M1AP: variants seen among roughly 807,000 people sequenced by gnomAD.
The protein encoded by M1AP is meiosis 1 arrest protein.
M1AP carries 39 observed loss-of-function variants against 51.2 expected under a neutral mutation model. The observed-to-expected ratio is 0.76, with a 90% CI of 0.59 to 1.00. M1AP has a LOEUF of 1.00. M1AP is among the 50% of genes least tolerant of loss of function. The pLI is 0.00. For missense variants in M1AP, 545 were observed against 641.2 expected (o/e 0.85, Z 1.62); for synonymous variants, 251 against 249.2 (o/e 1.01, Z -0.07).
At chr2:74,611,864 A>AAAC (rs1201313308) in intron 3 of M1AP, among the ~76,000 whole-genome samples, 4 of 149,826 alleles carry the variant, frequency 2.7e-5, no homozygotes, top group Non-Finnish European at 1.5e-5. Flanking sequence ...GACAGAAAAA[A>AAAC]AACAACAACA....
chr2:74,592,030 C>G (rs1294365865), intron 4 of M1AP, among the ~76,000 whole-genome samples: 1 of 152,002 alleles, frequency 6.6e-6, no homozygotes, highest in Non-Finnish European at 1.5e-5. Flanking sequence ...TCTCGAACTA[C>G]TGACCTAAGT....
In M1AP at chr2:74,569,335, G is replaced by C. The variant is rs139590138; in HGVS notation, c.1074+6103C>G. On this transcript the variant is annotated intron_variant, in intron 7 of 10. Transcript: ENST00000421985. Reference sequence around the variant, plus strand: ...CTATATTTTATATGTGATGGGACAAGAGTTACTAATGTGTGTGTCATGCAC... The same window carrying C: ...CTATATTTTATATGTGATGGGACAACAGTTACTAATGTGTGTGTCATGCAC... 1.7e-3 allele frequency among the ~76,000 whole-genome samples: 257 copies of C among 150,894 alleles called. 1 individual carries two copies. The highest frequency in any genetic ancestry group is 6.0e-3 in the African/African-American group (247 of 41,112).
chr2:74,643,439 G>A (rs1483225296), intron 1 of M1AP, among the ~76,000 whole-genome samples: 2 of 152,020 alleles, frequency 1.3e-5, no homozygotes, highest in Non-Finnish European at 2.9e-5. Flanking sequence ...TAGTTATATT[G>A]TTTAGAGGTG....
At chr2:74,618,889 G>C (rs925064224) in intron 2 of M1AP, 3 of 521,058 alleles carry the variant, frequency 5.8e-6, no homozygotes, top group African/African-American at 3.9e-5. Flanking sequence ...CAGTCTTACA[G>C]CTCTTGACTG....
At chr2:74,569,686 T>G (rs1678609193) in intron 7 of M1AP, among the ~76,000 whole-genome samples, 1 of 152,206 alleles carries the variant, frequency 6.6e-6, no homozygotes, top group Non-Finnish European at 1.5e-5. Flanking sequence ...TCCCTCACTC[T>G]ACTTCTATTG....
chr2:74,591,508 A>C (rs1680035289), intron 4 of M1AP, among the ~76,000 whole-genome samples: 1 of 152,214 alleles, frequency 6.6e-6, no homozygotes, highest in African/African-American at 2.4e-5. Flanking sequence ...ATATTGTCAT[A>C]GGCACTGTGG....
chr2:74,618,866 A>C, intron 2 of M1AP: 1 of 497,832 alleles, frequency 2.0e-6, no homozygotes, highest in Non-Finnish European at 4.0e-6. Flanking sequence ...GTGGAAATCT[A>C]GCTGTCATTG....
At chr2:74,618,952 G>T in intron 2 of M1AP, 1 of 535,030 alleles carries the variant, frequency 1.9e-6, no homozygotes, top group South Asian at 1.4e-5. Flanking sequence ...CCACTCTTGT[G>T]ACAATGTCTT....
intron 4 of M1AP, among the ~76,000 whole-genome samples, chr2:74,588,957 C>T (rs1170383774): frequency 1.3e-5 from 2 of 152,152 alleles, no homozygotes; most frequent in African/African-American, 2.4e-5. Context: ...TGCCTACTTT[C>T]GTGGCTTACA....
chr2:74,583,195 T>C (rs1679516411), intron 4 of M1AP, among the ~76,000 whole-genome samples: 1 of 152,178 alleles, frequency 6.6e-6, no homozygotes, highest in Non-Finnish European at 1.5e-5. Context: ...CATGTTATTT[T>C]ACAGTGAAAA....
chr2:74,640,135 G>A lies in M1AP; in HGVS notation c.141C>T (p.Asn47=), dbSNP rs754033780. 1.3e-5 allele frequency: 21 copies of A among 1,614,138 alleles called. No homozygotes were observed. Among genetic ancestry groups the A allele is most frequent in the Non-Finnish European group, 1.7e-5 (20 of 1,179,962 alleles). Residue 47 remains asparagine, a synonymous_variant, in exon 2 of 11, where the codon AAC becomes AAT. Transcript: ENST00000421985. The part of the protein sequence containing the change: ...ICTNLCEALQ[N]FFSLACSLMG... ...TCAAGCTGCAGGCTAGAGAGAAGAA[G>A]TTCTGCAGAGCCTCACAGAGGTTGG...
Position 74,612,126 on chromosome 2 carries a change from C to T in M1AP, c.426+2838G>A, listed in dbSNP as rs199633644. 2.5e-4 allele frequency among the ~76,000 whole-genome samples: 38 copies of T among 151,784 alleles called. No individual in the cohort carries two copies. The South Asian group carries it at 5.4e-3, about 22-fold the overall frequency. ...CAGGATGGTCTCGATCGCCTGACCT[C>T]GTGATCTACCCGCCTGGGCCTCCCA... is the stretch of plus-strand genomic sequence containing the variant. On this transcript the variant is annotated intron_variant, in intron 3 of 10. Transcript: ENST00000421985.
Position 74,581,849 on chromosome 2 carries a change from T to G in M1AP, c.596-2A>C, listed in dbSNP as rs1298377458. On this transcript the variant is annotated splice_acceptor_variant, in intron 4 of 10. Coordinates refer to ENST00000421985, the MANE Select transcript of M1AP (RefSeq NM_001321739.2). LOFTEE classifies it high-confidence loss of function. ...TGTCAGTTCCCAGAATAGAACTCTCTGCAAAAGAAAGGGAAATAAAGTGTT... is the reference window on the plus strand; with the variant it reads ...TGTCAGTTCCCAGAATAGAACTCTCGGCAAAAGAAAGGGAAATAAAGTGTT... 6.2e-7 allele frequency: 1 copy of G among 1,607,528 alleles called. No homozygotes were observed. Among genetic ancestry groups the G allele is most frequent in the Non-Finnish European group, 8.5e-7 (1 of 1,175,732 alleles).
At chr2:74,610,438 A>G (rs1263941189) in intron 3 of M1AP, among the ~76,000 whole-genome samples, 1 of 151,852 alleles carries the variant, frequency 6.6e-6, no homozygotes, top group Non-Finnish European at 1.5e-5. Context: ...TGCCCAGACC[A>G]ATGTCACAAA....
intron 2 of M1AP, among the ~76,000 whole-genome samples, chr2:74,629,826 T>C (rs941800261): frequency 6.6e-6 from 1 of 152,202 alleles, no homozygotes; most frequent in South Asian, 2.1e-4. Flanking sequence ...ATTTCATGTT[T>C]GGACTTGGGT....
chr2:74,621,652 G>C (rs1417293792), intron 2 of M1AP, among the ~76,000 whole-genome samples: 1 of 151,682 alleles, frequency 6.6e-6, no homozygotes, highest in Non-Finnish European at 1.5e-5. Context: ...AATTAGCCGG[G>C]CATGGTGGCG....
chr2:74,623,260 A>C (rs1419803807), intron 2 of M1AP, among the ~76,000 whole-genome samples: 1 of 152,184 alleles, frequency 6.6e-6, no homozygotes, highest in East Asian at 1.9e-4. Flanking sequence ...TCCCAGCACT[A>C]TGGGAGGCCG....
At chr2:74,615,371 T>TA in intron 2 of M1AP, 1 of 520,888 alleles carries the variant, frequency 1.9e-6, no homozygotes, top group Non-Finnish European at 3.4e-6. Context: ...TTTGATTACT[T>TA]AGAGTTACCA....
At chr2:74,622,103 C>T (rs1310535078) in intron 2 of M1AP, among the ~76,000 whole-genome samples, 1 of 151,212 alleles carries the variant, frequency 6.6e-6, no homozygotes, top group African/African-American at 2.4e-5. Context: ...CTGGGCCACA[C>T]AGTGGGACTC....
Sources: gnomAD v4.1 joint callset for allele counts (sites outside exome capture counted in the v4.1 genomes callset) on GRCh38, gnomAD v4.1.1 for gene constraint, MANE v1.5 for transcripts, NCBI Gene and HGNC (gene_info 2026-07-23, HGNC 2026-07-21) for gene names.